MACROD2: variants seen among roughly 807,000 people sequenced by gnomAD.
The protein encoded by MACROD2 is mono-ADP ribosylhydrolase 2, also known as ADP-ribose glycohydrolase MACROD2.
A neutral mutation model predicts 70.4 loss-of-function variants in MACROD2; 36 were observed. The ratio of observed to expected loss-of-function variants is 0.51; its 90% CI spans 0.39 to 0.68. The LOEUF is 0.68. MACROD2 is among the 30% of genes least tolerant of loss of function. MACROD2 has a pLI of 0.00. For synonymous variants in MACROD2, 172 were observed against 178.8 expected, an observed-to-expected ratio of 0.96 and a Z score of 0.30; for missense variants, 496 against 538.4, an observed-to-expected ratio of 0.92 and a Z score of 0.78.
chr20:14,639,034 T>G (rs1395473475), intron 4 of MACROD2, among the ~76,000 whole-genome samples: 1 of 152,118 alleles, frequency 6.6e-6, no homozygotes, highest in African/African-American at 2.4e-5. Context: ...ATTGTGATGG[T>G]AAAATAATAC....
intron 5 of MACROD2, among the ~76,000 whole-genome samples, chr20:15,227,832 T>TGTTGG (rs1555794526): frequency 8.0e-6 from 1 of 124,722 alleles, no homozygotes; most frequent in Non-Finnish European, 1.7e-5. Context: ...TGTTTTTTTT[T>TGTTGG]TTTTTTTTTT....
chr20:14,546,878 GCA>G (rs1266355893), intron 4 of MACROD2, among the ~76,000 whole-genome samples: 23 of 151,608 alleles, frequency 1.5e-4, no homozygotes, highest in Admixed American at 1.3e-3. Context: ...GTTAGTCCCT[GCA>G]CAGTGTTAGC....
intron 3 of MACROD2, among the ~76,000 whole-genome samples, chr20:14,395,321 G>C (rs2083569785): frequency 6.6e-6 from 1 of 151,980 alleles, no homozygotes; most frequent in African/African-American, 2.4e-5. Context: ...GCAAGGTTTG[G>C]TAGTTCAAGT....
chr20:15,699,804 C>G (rs889018658), intron 8 of MACROD2, among the ~76,000 whole-genome samples: 1 of 152,158 alleles, frequency 6.6e-6, no homozygotes, highest in African/African-American at 2.4e-5. Context: ...TTACAAAGTT[C>G]GACTAGAGAA....
At chr20:14,584,458 G>C (rs1461285190) in intron 4 of MACROD2, among the ~76,000 whole-genome samples, 1 of 152,064 alleles carries the variant, frequency 6.6e-6, no homozygotes, top group East Asian at 1.9e-4. Flanking sequence ...GGCCAATTCA[G>C]TTTCTGGTGA....
chr20:15,101,069 C>G (rs1464032925), intron 5 of MACROD2, among the ~76,000 whole-genome samples: 1 of 152,072 alleles, frequency 6.6e-6, no homozygotes, highest in Non-Finnish European at 1.5e-5. Context: ...ACTGTTTTCA[C>G]TGTAAATGAG....
At chr20:15,617,651 A>G (rs982924779) in intron 8 of MACROD2, among the ~76,000 whole-genome samples, 4 of 152,202 alleles carry the variant, frequency 2.6e-5, no homozygotes, top group African/African-American at 7.2e-5. Context: ...TCATTCATTC[A>G]TTTCATAAAT....
intron 8 of MACROD2, among the ~76,000 whole-genome samples, chr20:15,773,932 A>G (rs1281976222): frequency 6.6e-6 from 1 of 152,158 alleles, no homozygotes; most frequent in Non-Finnish European, 1.5e-5. Context: ...TGTTTTTAAT[A>G]TCTTCCTTGG....
chr20:14,855,610 T>TG (rs2073246648), intron 5 of MACROD2, among the ~76,000 whole-genome samples: 1 of 147,030 alleles, frequency 6.8e-6, no homozygotes, highest in Admixed American at 6.8e-5. Context: ...TTTTTTTTTT[T>TG]TTTTTTTTTT....
At chr20:14,389,119 A>T (rs1407105537) in intron 3 of MACROD2, among the ~76,000 whole-genome samples, 1 of 151,932 alleles carries the variant, frequency 6.6e-6, no homozygotes. Context: ...ACCTCAGGTG[A>T]TCCGCTCGCC....
intron 3 of MACROD2, among the ~76,000 whole-genome samples, chr20:14,289,841 C>T (rs1474483844): frequency 1.3e-5 from 2 of 152,172 alleles, no homozygotes; most frequent in Non-Finnish European, 2.9e-5. Flanking sequence ...ATGCCTGACT[C>T]TGCTTTTCCT....
chr20:15,009,285 C>T (rs2075063579), intron 5 of MACROD2, among the ~76,000 whole-genome samples: 1 of 152,148 alleles, frequency 6.6e-6, no homozygotes, highest in Non-Finnish European at 1.5e-5. Context: ...GTTGATTCCT[C>T]CCCAAAGAAG....
intron 8 of MACROD2, among the ~76,000 whole-genome samples, chr20:15,852,922 G>T (rs944525573): frequency 6.6e-6 from 1 of 152,148 alleles, no homozygotes; most frequent in African/African-American, 2.4e-5. Flanking sequence ...GAGGAGGGAG[G>T]ACTCCTTGAT....
At chr20:14,815,738 G>A (rs1053833942) in intron 5 of MACROD2, among the ~76,000 whole-genome samples, 2 of 151,898 alleles carry the variant, frequency 1.3e-5, no homozygotes, top group African/African-American at 4.8e-5. Context: ...CTACAAGTTA[G>A]TAAATAAAAT....
At chr20:14,109,531 C>A (rs2054419469) in intron 3 of MACROD2, among the ~76,000 whole-genome samples, 1 of 151,120 alleles carries the variant, frequency 6.6e-6, no homozygotes. Flanking sequence ...GATAGAAGAC[C>A]CAAATAAATA....
At chr20:15,735,870 T>C (rs1272233591) in intron 8 of MACROD2, among the ~76,000 whole-genome samples, 1 of 152,194 alleles carries the variant, frequency 6.6e-6, no homozygotes, top group Admixed American at 6.5e-5. Flanking sequence ...ATAGATCTTC[T>C]CTTGATCCCC....
At chr20:14,019,086 C>T (rs1470130138) in intron 2 of MACROD2, among the ~76,000 whole-genome samples, 2 of 152,140 alleles carry the variant, frequency 1.3e-5, no homozygotes, top group South Asian at 2.1e-4. Context: ...ATTTGCTCTG[C>T]CCTGGGTTCA....
At chr20:15,565,768 T>G (rs974504779) in intron 8 of MACROD2, among the ~76,000 whole-genome samples, 2 of 152,076 alleles carry the variant, frequency 1.3e-5, no homozygotes, top group Non-Finnish European at 2.9e-5. Flanking sequence ...ATTTTAATAT[T>G]TTACAGACGC....
At chr20:15,908,542 G>T (rs997917189) in intron 10 of MACROD2, among the ~76,000 whole-genome samples, 22 of 152,140 alleles carry the variant, frequency 1.4e-4, no homozygotes, top group African/African-American at 5.3e-4. Flanking sequence ...ACCATGACTA[G>T]TCTCTTCTAG....
Sources: gnomAD v4.1 joint callset for allele counts (sites outside exome capture counted in the v4.1 genomes callset) on GRCh38, gnomAD v4.1.1 for gene constraint, MANE v1.5 for transcripts, NCBI Gene and HGNC (gene_info 2026-07-23, HGNC 2026-07-21) for gene names.